KCNN2: variants seen among roughly 807,000 people sequenced by gnomAD.
KCNN2 encodes the protein small conductance calcium-activated potassium channel protein 2.
In KCNN2, 24 loss-of-function variants were observed where a neutral mutation model predicts 55.5. That is an observed-to-expected ratio of 0.43 (90% confidence interval 0.31 to 0.61). KCNN2 has a LOEUF of 0.61. KCNN2 is among the 20% of genes least tolerant of loss of function. The pLI is 0.08. For missense variants in KCNN2, 754 were observed against 853.6 expected, an observed-to-expected ratio of 0.88 and a Z score of 1.45; for synonymous variants, 431 against 336.1, an observed-to-expected ratio of 1.28 and a Z score of -3.09.
At chr5:114,123,358 T>TGTCAGATCAAATAAAAAGGTCCCTC (rs1561484987) in intron 1 of KCNN2, among the ~76,000 whole-genome samples, 84 of 49,702 alleles carry the variant, frequency 1.7e-3, no homozygotes, top group Middle Eastern at 8.2e-3. Flanking sequence ...TTAATTTTTT[T>TGTCAGATCAAATAAAAAGGTCCCTC]TTTTTTTTTT....
chr5:114,452,346 C>T (rs1248141425), intron 3 of KCNN2, among the ~76,000 whole-genome samples: 1 of 152,146 alleles, frequency 6.6e-6, no homozygotes, highest in African/African-American at 2.4e-5. Context: ...TCATCATTTT[C>T]AATCTGTTGC....
At chr5:114,397,533 C>T (rs779896445) in intron 2 of KCNN2, among the ~76,000 whole-genome samples, 10 of 152,062 alleles carry the variant, frequency 6.6e-5, no homozygotes, top group South Asian at 2.1e-4. Flanking sequence ...ATTACAAGCA[C>T]GCAACACAAT....
chr5:114,095,349 G>A (rs973497213), intron 1 of KCNN2, among the ~76,000 whole-genome samples: 4 of 152,172 alleles, frequency 2.6e-5, no homozygotes, highest in Admixed American at 2.0e-4. Flanking sequence ...ACAAGGCTTA[G>A]AGGAAGATTT....
At chr5:114,153,143 T>C (rs1752559698) in intron 1 of KCNN2, among the ~76,000 whole-genome samples, 1 of 152,178 alleles carries the variant, frequency 6.6e-6, no homozygotes, top group South Asian at 2.1e-4. Flanking sequence ...GAGACATCCA[T>C]GTGAAAGCCA....
chr5:114,108,456 CA>C (rs1459805219), intron 1 of KCNN2, among the ~76,000 whole-genome samples: 2 of 151,740 alleles, frequency 1.3e-5, no homozygotes, highest in Admixed American at 1.3e-4. Context: ...AAGTTTTGCC[CA>C]CATATTAAAA....
intron 1 of KCNN2, among the ~76,000 whole-genome samples, chr5:114,105,964 A>G (rs999392731): frequency 3.3e-5 from 5 of 151,938 alleles, no homozygotes; most frequent in African/African-American, 7.2e-5. Flanking sequence ...CTAATTTGTT[A>G]TAGTCATAGT....
At chr5:114,136,351 T>C (rs1232393044) in intron 1 of KCNN2, among the ~76,000 whole-genome samples, 1 of 152,164 alleles carries the variant, frequency 6.6e-6, no homozygotes, top group Non-Finnish European at 1.5e-5. Flanking sequence ...CCTTCTGCCA[T>C]GGGATGATGC....
intron 1 of KCNN2, among the ~76,000 whole-genome samples, chr5:114,211,440 C>G (rs1050048395): frequency 1.3e-5 from 2 of 152,118 alleles, no homozygotes; most frequent in African/African-American, 2.4e-5. Flanking sequence ...GGCCATTATT[C>G]TCAGCAAACT....
chr5:114,061,824 T>C (rs1750337468), intron 1 of KCNN2, among the ~76,000 whole-genome samples: 1 of 152,232 alleles, frequency 6.6e-6, no homozygotes, highest in African/African-American at 2.4e-5. Flanking sequence ...AGGTTGATTG[T>C]CTATGCTTGT....
chr5:114,273,335 A>T (rs772894200), intron 2 of KCNN2, among the ~76,000 whole-genome samples: 1 of 152,186 alleles, frequency 6.6e-6, no homozygotes, highest in Admixed American at 6.5e-5. Flanking sequence ...TGCAATAAAC[A>T]TACGTGTGCA....
At chr5:114,149,510 T>G (rs1012317683) in intron 1 of KCNN2, among the ~76,000 whole-genome samples, 15 of 152,150 alleles carry the variant, frequency 9.9e-5, no homozygotes, top group African/African-American at 3.4e-4. Context: ...GCCAATGCAC[T>G]GGATATACCA....
At chr5:114,448,202 A>G (rs758506976) in intron 3 of KCNN2, among the ~76,000 whole-genome samples, 10 of 152,008 alleles carry the variant, frequency 6.6e-5, no homozygotes, top group Non-Finnish European at 1.3e-4. Context: ...CTTGTTACCC[A>G]ACTCTTCTTT....
At chr5:114,451,782 A>G (rs934693957) in intron 3 of KCNN2, among the ~76,000 whole-genome samples, 9 of 152,038 alleles carry the variant, frequency 5.9e-5, no homozygotes, top group Middle Eastern at 6.8e-3. Context: ...CTGTAGTCTC[A>G]GCTACTTGGG....
intron 2 of KCNN2, among the ~76,000 whole-genome samples, chr5:114,267,043 T>TTGGAG (rs1317899050): frequency 6.9e-6 from 1 of 145,538 alleles, no homozygotes; most frequent in Admixed American, 7.1e-5. Context: ...CTCTCCAGGC[T>TTGGAG]AGAGTGCAGT....
chr5:114,489,298 T>G (rs75573573), intron 6 of KCNN2, among the ~76,000 whole-genome samples: 7,309 of 152,154 alleles, frequency 0.048, 223 homozygotes, highest in South Asian at 0.077. Flanking sequence ...CATTAAAACA[T>G]TAGAAAAAAA....
intron 2 of KCNN2, among the ~76,000 whole-genome samples, chr5:114,342,051 GCCACCATGC>G (rs1561577952): frequency 6.6e-6 from 1 of 151,824 alleles, no homozygotes; most frequent in Non-Finnish European, 1.5e-5. Flanking sequence ...ACAGGCACCC[GCCACCATGC>G]CTGGCTAATT....
chr5:114,477,253 C>T (rs992053211), intron 5 of KCNN2, among the ~76,000 whole-genome samples: 9 of 152,116 alleles, frequency 5.9e-5, no homozygotes, highest in Non-Finnish European at 1.3e-4. Flanking sequence ...ATAGTCTGTT[C>T]TCCCAGGAAC....
chr5:114,182,055 G>C (rs902508026), intron 1 of KCNN2, among the ~76,000 whole-genome samples: 1 of 152,128 alleles, frequency 6.6e-6, no homozygotes, highest in African/African-American at 2.4e-5. Context: ...GTGTGGGTTA[G>C]ATTTGATATT....
At chr5:114,296,354 T>C (rs954392897) in intron 2 of KCNN2, among the ~76,000 whole-genome samples, 1 of 152,142 alleles carries the variant, frequency 6.6e-6, no homozygotes, top group Non-Finnish European at 1.5e-5. Flanking sequence ...ACCATCCTGA[T>C]GGAAGGAAGA....
Sources: gnomAD v4.1 joint callset for allele counts (sites outside exome capture counted in the v4.1 genomes callset) on GRCh38, gnomAD v4.1.1 for gene constraint, MANE v1.5 for transcripts, NCBI Gene and HGNC (gene_info 2026-07-23, HGNC 2026-07-21) for gene names.